The following GPC5 variants were observed in gnomAD, a reference collection of about 807,000 sequenced individuals.
GPC5 encodes glypican-5.
GPC5 carries 47 observed loss-of-function variants against 53.9 expected under a neutral mutation model. The ratio of observed to expected loss-of-function variants is 0.87; its 90% CI spans 0.69 to 1.11. GPC5 has a LOEUF of 1.11. GPC5 is among the 50% of genes most tolerant of loss of function. The pLI, the probability that GPC5 is intolerant of heterozygous loss-of-function variation, is 0.00. For synonymous variants in GPC5, 286 were observed against 263.3 expected, an observed-to-expected ratio of 1.09 and a Z score of -0.84; for missense variants, 748 against 713.1, an observed-to-expected ratio of 1.05 and a Z score of -0.56.
At chr13:91,716,418 T>C (rs2036340279) in intron 3 of GPC5, among the ~76,000 whole-genome samples, 1 of 152,218 alleles carries the variant, frequency 6.6e-6, no homozygotes. Flanking sequence ...TGACAAACAA[T>C]TGATACTGTG....
At chr13:92,653,995 T>A (rs1192027561) in intron 7 of GPC5, among the ~76,000 whole-genome samples, 2 of 152,246 alleles carry the variant, frequency 1.3e-5, no homozygotes, top group Non-Finnish European at 2.9e-5. Context: ...CTGACTTTTA[T>A]CCTTCTGTGT....
chr13:91,803,582 A>C (rs2038169791), intron 5 of GPC5, among the ~76,000 whole-genome samples: 1 of 152,164 alleles, frequency 6.6e-6, no homozygotes, highest in Admixed American at 6.5e-5. Context: ...CATACACAAG[A>C]TGATGTGTTT....
intron 6 of GPC5, among the ~76,000 whole-genome samples, chr13:91,987,244 C>T (rs924392548): frequency 1.3e-5 from 2 of 152,204 alleles, no homozygotes; most frequent in Non-Finnish European, 2.9e-5. Context: ...CAGGCACCCA[C>T]GGAGACTCTG....
chr13:92,212,668 C>A (rs1023982830), intron 7 of GPC5, among the ~76,000 whole-genome samples: 11 of 152,152 alleles, frequency 7.2e-5, no homozygotes, highest in African/African-American at 2.2e-4. Context: ...CTTGTATGGG[C>A]AAGTTGGTAA....
At chr13:92,120,103 T>C (rs1443204178) in intron 6 of GPC5, among the ~76,000 whole-genome samples, 5 of 152,228 alleles carry the variant, frequency 3.3e-5, no homozygotes, top group Admixed American at 2.0e-4. Context: ...AAAAATAAAC[T>C]GCTTTAATTA....
At chr13:91,401,350 A>G (rs1182978264) in intron 1 of GPC5, among the ~76,000 whole-genome samples, 1 of 151,932 alleles carries the variant, frequency 6.6e-6, no homozygotes, top group Non-Finnish European at 1.5e-5. Flanking sequence ...CCACATGCTT[A>G]ATAAATAATT....
intron 2 of GPC5, among the ~76,000 whole-genome samples, chr13:91,490,691 C>T (rs566538699): frequency 9.2e-5 from 14 of 152,286 alleles, no homozygotes; most frequent in South Asian, 2.1e-4. Context: ...GATGGATACA[C>T]GTTTAACTTA....
chr13:91,695,373 T>C (rs1279012095), intron 3 of GPC5, among the ~76,000 whole-genome samples: 1 of 151,820 alleles, frequency 6.6e-6, no homozygotes, highest in Non-Finnish European at 1.5e-5. Context: ...ATTATTATTA[T>C]TATTTATTTA....
At chr13:92,278,532 C>A (rs1032989859) in intron 7 of GPC5, among the ~76,000 whole-genome samples, 4 of 151,858 alleles carry the variant, frequency 2.6e-5, no homozygotes, top group Non-Finnish European at 4.4e-5. Context: ...GGGCAATGTA[C>A]CTTTTATGAT....
intron 6 of GPC5, among the ~76,000 whole-genome samples, chr13:92,122,940 C>A (rs1279409710): frequency 6.6e-6 from 1 of 151,862 alleles, no homozygotes; most frequent in Non-Finnish European, 1.5e-5. Context: ...ACTAAACATA[C>A]AAAGAATATA....
At chr13:91,514,990 T>C (rs1190754491) in intron 2 of GPC5, among the ~76,000 whole-genome samples, 2 of 152,254 alleles carry the variant, frequency 1.3e-5, no homozygotes, top group Non-Finnish European at 2.9e-5. Flanking sequence ...ACATTTTAAG[T>C]GATATTAGTT....
chr13:91,533,732 T>C (rs764799268), intron 2 of GPC5, among the ~76,000 whole-genome samples: 1 of 152,202 alleles, frequency 6.6e-6, no homozygotes, highest in African/African-American at 2.4e-5. Context: ...GTAACTTCCA[T>C]AAATCTTTTT....
intron 7 of GPC5, among the ~76,000 whole-genome samples, chr13:92,547,334 C>G (rs1882153749): frequency 1.3e-5 from 2 of 152,164 alleles, no homozygotes; most frequent in Admixed American, 6.5e-5. Context: ...AAATTAACTG[C>G]AAAGAAAGAC....
intron 7 of GPC5, among the ~76,000 whole-genome samples, chr13:92,605,157 T>G (rs1223336902): frequency 6.6e-6 from 1 of 152,178 alleles, no homozygotes; most frequent in Non-Finnish European, 1.5e-5. Context: ...GAATGTATGA[T>G]GAAGAAACAA....
chr13:91,756,528 C>A, intron 5 of GPC5, 108 bp downstream of exon 5: 1 of 942,894 alleles, frequency 1.1e-6, no homozygotes, highest in East Asian at 2.6e-5. Flanking sequence ...AGTTTACAGT[C>A]TACATTAAAT....
chr13:92,112,392 C>A (rs2041564655), intron 6 of GPC5, among the ~76,000 whole-genome samples: 1 of 151,922 alleles, frequency 6.6e-6, no homozygotes, highest in Non-Finnish European at 1.5e-5. Context: ...AAGTGATGGT[C>A]AAAGAAACAG....
At chr13:92,427,986 C>T (rs1188430127) in intron 7 of GPC5, among the ~76,000 whole-genome samples, 2 of 152,122 alleles carry the variant, frequency 1.3e-5, no homozygotes, top group Non-Finnish European at 2.9e-5. Flanking sequence ...GAGTAGTTTT[C>T]AGACAGCCTG....
intron 7 of GPC5, among the ~76,000 whole-genome samples, chr13:92,859,430 T>C (rs1364093647): frequency 3.9e-5 from 6 of 152,122 alleles, no homozygotes; most frequent in Admixed American, 3.3e-4. Flanking sequence ...TGTCGAGACA[T>C]AGATATGCAT....
At chr13:92,794,839 A>C (rs1425994954) in intron 7 of GPC5, among the ~76,000 whole-genome samples, 1 of 152,176 alleles carries the variant, frequency 6.6e-6, no homozygotes, top group Non-Finnish European at 1.5e-5. Flanking sequence ...GATGTGAAAG[A>C]TCTCTTCAAG....
Sources: allele counts gnomAD v4.1 joint callset (sites outside exome capture counted in the v4.1 genomes callset), GRCh38; gene constraint gnomAD v4.1.1; transcripts MANE v1.5; gene names NCBI Gene and HGNC (gene_info 2026-07-23, HGNC 2026-07-21).